Variants in SPOCK3 observed in about 807,000 individuals in gnomAD.
The protein encoded by SPOCK3 is testican-3.
A neutral mutation model predicts 56.6 loss-of-function variants in SPOCK3; 30 were observed. The ratio of observed to expected loss-of-function variants is 0.53; its 90% CI spans 0.40 to 0.72. SPOCK3 has a LOEUF of 0.72. SPOCK3 is among the 30% of genes least tolerant of loss of function. The probability of loss-of-function intolerance (pLI) is 0.00; values close to 1 mark genes in which losing one functional copy is unlikely to be tolerated. For synonymous variants in SPOCK3, 196 were observed against 183.3 expected, an observed-to-expected ratio of 1.07 and a Z score of -0.56; for missense variants, 527 against 530.0, an observed-to-expected ratio of 0.99 and a Z score of 0.06.
chr4:167,207,069 G>A (rs1734416002), intron 2 of SPOCK3, among the ~76,000 whole-genome samples: 2 of 151,956 alleles, frequency 1.3e-5, no homozygotes, highest in African/African-American at 4.8e-5. Flanking sequence ...CTATAAACGT[G>A]CACAACTATT....
chr4:166,922,085 G>A (rs1009209308), intron 4 of SPOCK3, among the ~76,000 whole-genome samples: 12 of 152,048 alleles, frequency 7.9e-5, no homozygotes, highest in African/African-American at 2.9e-4. Flanking sequence ...TGTGAACGGC[G>A]GACACGAGGG....
chr4:167,084,212 T>A (rs1411019026), intron 2 of SPOCK3, among the ~76,000 whole-genome samples: 3 of 152,114 alleles, frequency 2.0e-5, no homozygotes, highest in East Asian at 1.9e-4. Context: ...TGAGAAAATG[T>A]GAACCAGAAA....
In SPOCK3 at chr4:166,761,895, TAAAAAAAAAAAAA is replaced by T. The variant is rs748340803; in HGVS notation, c.710-7179_710-7167del. On this transcript the variant is annotated intron_variant, in intron 7 of 10. Transcript: ENST00000357545. ...ATGTACCCTAAAACTTAGAGTATAA[TAAAAAAAAAAAAA>T]AAAAAAAAAAAAAAGAGATTTGGGG... Among the ~76,000 whole-genome samples, 2 of 103,384 alleles carry T rather than the reference TAAAAAAAAAAAAA, an allele frequency of 1.9e-5. 1 individual carries two copies. Among genetic ancestry groups the T allele is most frequent in the African/African-American group, 7.2e-5 (2 of 27,876 alleles). 67.8% of individuals were successfully genotyped at this position (103,384 alleles called of 152,430 possible).
chr4:166,768,303 T>C (rs1250080039), intron 7 of SPOCK3, among the ~76,000 whole-genome samples: 1 of 152,302 alleles, frequency 6.6e-6, no homozygotes. Context: ...TTACAATTTG[T>C]CATGTTTTTG....
intron 7 of SPOCK3, among the ~76,000 whole-genome samples, chr4:166,787,034 T>C (rs1227670486): frequency 1.3e-5 from 2 of 152,188 alleles, no homozygotes; most frequent in African/African-American, 4.8e-5. Flanking sequence ...TTCATTAACT[T>C]TCCACTTGTA....
chr4:167,217,456 G>T (rs1735478210), intron 2 of SPOCK3, among the ~76,000 whole-genome samples: 2 of 151,898 alleles, frequency 1.3e-5, no homozygotes, highest in Non-Finnish European at 2.9e-5. Context: ...TACTCTAGAG[G>T]TAATTTAAAG....
In SPOCK3 at chr4:166,847,663, A is replaced by ATATATATC. The variant is rs1748228389; in HGVS notation, c.589+41466_589+41467insGATATATA. Among the ~76,000 whole-genome samples the ATATATATC allele has an allele frequency of 4.1e-5, 4 of 98,342 alleles. 1 individual carries two copies. In the South Asian group the frequency reaches 1.3e-3, roughly 33 times the overall value. 64.5% of individuals were successfully genotyped at this position (98,342 alleles called of 152,430 possible). ...AATCCTAGTTTATATATATATATAT[A>ATATATATC]TATATATATATATATATAAGAATCA... On this transcript the variant is annotated intron_variant, in intron 6 of 10. Coordinates refer to ENST00000357545, the MANE Select transcript of SPOCK3 (RefSeq NM_001040159.2).
intron 3 of SPOCK3, among the ~76,000 whole-genome samples, chr4:167,056,005 T>C (rs1754792998): frequency 6.6e-6 from 1 of 152,186 alleles, no homozygotes; most frequent in Non-Finnish European, 1.5e-5. Flanking sequence ...CCTCCTGAAG[T>C]GGGTCCCTGA....
chr4:166,971,938 A>G (rs1342339743), intron 4 of SPOCK3, among the ~76,000 whole-genome samples: 1 of 152,166 alleles, frequency 6.6e-6, no homozygotes, highest in African/African-American at 2.4e-5. Context: ...GGTACAGTGT[A>G]CTTTTGCTTT....
intron 7 of SPOCK3, among the ~76,000 whole-genome samples, chr4:166,787,641 T>C (rs1051526702): frequency 6.6e-6 from 1 of 152,160 alleles, no homozygotes; most frequent in Admixed American, 6.5e-5. Flanking sequence ...GAAAATGGAA[T>C]GATTAGGCAT....
chr4:167,009,692 C>A (rs967118949), intron 3 of SPOCK3, among the ~76,000 whole-genome samples: 2 of 151,922 alleles, frequency 1.3e-5, no homozygotes, highest in South Asian at 4.2e-4. Flanking sequence ...CACAAAATTG[C>A]AAACCACACC....
chr4:167,116,655 T>TATAC, intron 2 of SPOCK3, among the ~76,000 whole-genome samples: 1 of 65,252 alleles, frequency 1.5e-5, no homozygotes, highest in Admixed American at 2.1e-4. Flanking sequence ...TATATACACA[T>TATAC]ATATACGTAT....
chr4:167,213,127 C>G (rs751161381), intron 2 of SPOCK3, among the ~76,000 whole-genome samples: 6 of 152,182 alleles, frequency 3.9e-5, no homozygotes, highest in Non-Finnish European at 8.8e-5. Context: ...GCATAGATGG[C>G]CTGGTGTCAG....
chr4:166,939,737 G>A (rs35333635), intron 4 of SPOCK3, among the ~76,000 whole-genome samples: 28,663 of 152,078 alleles, frequency 0.19, 4,212 homozygotes, highest in African/African-American at 0.41. Flanking sequence ...AAAATAGTTC[G>A]AAACCAGAGT....
At chr4:166,872,584 G>T (rs1483842840) in intron 6 of SPOCK3, among the ~76,000 whole-genome samples, 1 of 152,106 alleles carries the variant, frequency 6.6e-6, no homozygotes, top group African/African-American at 2.4e-5. Flanking sequence ...ATACAGTGGG[G>T]CATTCAGACA....
At position 166,804,888 on chromosome 4, in the gene SPOCK3, G is replaced by T. The variant is rs532356573; in HGVS notation, c.590-12599C>A. 5.1e-3 allele frequency among the ~76,000 whole-genome samples: 779 copies of T among 152,198 alleles called. 4 individuals carry two copies. Among genetic ancestry groups the T allele is most frequent in the African/African-American group, 0.018 (729 of 41,548 alleles). ...AAGAATTACTATTCTGTGGAGTGCTGTATGTTGTTTCATGAGGAAATGTTC... is the reference window on the plus strand; with the variant it reads ...AAGAATTACTATTCTGTGGAGTGCTTTATGTTGTTTCATGAGGAAATGTTC... On this transcript the variant is annotated intron_variant, in intron 6 of 10. Transcript: ENST00000357545.
intron 6 of SPOCK3, among the ~76,000 whole-genome samples, chr4:166,844,940 T>A (rs758755708): frequency 4.6e-5 from 7 of 152,252 alleles, no homozygotes; most frequent in Non-Finnish European, 8.8e-5. Flanking sequence ...ATCTTACCTG[T>A]CCGTGGTTTT....
intron 4 of SPOCK3, among the ~76,000 whole-genome samples, chr4:166,978,263 T>C (rs953553203): frequency 6.6e-6 from 1 of 152,118 alleles, no homozygotes; most frequent in Admixed American, 6.6e-5. Flanking sequence ...CTGGCACCTA[T>C]TGCACTCAGG....
intron 2 of SPOCK3, among the ~76,000 whole-genome samples, chr4:167,088,940 A>C (rs749046283): frequency 2.0e-5 from 3 of 152,190 alleles, no homozygotes; most frequent in Admixed American, 6.6e-5. Context: ...TAAAGAACTA[A>C]TCAATCATTC....
Sources: allele counts gnomAD v4.1 joint callset (sites outside exome capture counted in the v4.1 genomes callset), GRCh38; gene constraint gnomAD v4.1.1; transcripts MANE v1.5; gene names NCBI Gene and HGNC (gene_info 2026-07-23, HGNC 2026-07-21).